ST6GALNAC3: variants seen among roughly 807,000 people sequenced by gnomAD.
The protein encoded by ST6GALNAC3 is alpha-N-acetylgalactosaminide alpha-2,6-sialyltransferase 3.
ST6GALNAC3 carries 25 observed loss-of-function variants against 32.7 expected under a neutral mutation model. The ratio of observed to expected loss-of-function variants is 0.76; its 90% CI spans 0.56 to 1.07. The LOEUF is 1.07. ST6GALNAC3 is among the 50% of genes least tolerant of loss of function. The probability of loss-of-function intolerance (pLI) is 0.00; values close to 1 mark genes in which losing one functional copy is unlikely to be tolerated. For synonymous variants in ST6GALNAC3, 129 were observed against 133.1 expected (o/e 0.97, Z 0.21); for missense variants, 355 against 382.4 (o/e 0.93, Z 0.60).
chr1:76,089,259 GC>G (rs1196051979), intron 1 of ST6GALNAC3, among the ~76,000 whole-genome samples: 5 of 151,982 alleles, frequency 3.3e-5, no homozygotes, highest in African/African-American at 1.2e-4. Flanking sequence ...CACTGTGTTA[GC>G]CAGGATGATC....
intron 2 of ST6GALNAC3, among the ~76,000 whole-genome samples, chr1:76,353,020 T>C (rs1570934476): frequency 1.3e-5 from 2 of 152,154 alleles, no homozygotes; most frequent in East Asian, 3.9e-4. Context: ...CACTCTCATC[T>C]TCCAGCCCTC....
intron 1 of ST6GALNAC3, among the ~76,000 whole-genome samples, chr1:76,144,521 A>G (rs1382626536): frequency 2.6e-5 from 4 of 152,196 alleles, no homozygotes; most frequent in Non-Finnish European, 5.9e-5. Flanking sequence ...AGTGCCTATC[A>G]TGGAACAGCC....
At position 76,630,254 on chromosome 1, in the gene ST6GALNAC3, A is replaced by T. The variant is rs183916855; in HGVS notation, c.*1448A>T. On this transcript the variant is annotated 3_prime_UTR_variant, in exon 5 of 5. Coordinates refer to ENST00000328299, the MANE Select transcript of ST6GALNAC3 (RefSeq NM_152996.4). ...ATCAGGATTACACAAAAAGTATCAC[A>T]AAGGATGGTCTTGGCCATATGCTAG... The T allele has an allele frequency of 1.0e-6, 1 of 985,256 alleles. No homozygotes were observed. The highest frequency in any genetic ancestry group is 1.7e-5 in the African/African-American group (1 of 57,332). 61.0% of individuals were successfully genotyped at this position (985,256 alleles called of 1,614,324 possible). A position where few individuals can be genotyped will look rare whatever the true frequency, so the allele number is the denominator to read the frequency against.
intron 3 of ST6GALNAC3, among the ~76,000 whole-genome samples, chr1:76,479,396 A>T (rs984513641): frequency 2.3e-4 from 35 of 152,218 alleles, no homozygotes; most frequent in African/African-American, 8.2e-4. Context: ...CTGCTATAAC[A>T]GAATACTGAC....
At chr1:76,619,338 C>T (rs544752839) in intron 3 of ST6GALNAC3, among the ~76,000 whole-genome samples, 4 of 152,144 alleles carry the variant, frequency 2.6e-5, no homozygotes, top group South Asian at 2.1e-4. Context: ...TGGAACACAT[C>T]GAGAACCCCC....
At chr1:76,527,980 G>C (rs315082) in intron 3 of ST6GALNAC3, among the ~76,000 whole-genome samples, 86,906 of 151,966 alleles carry the variant, frequency 0.57, 25,333 homozygotes, top group African/African-American at 0.69. Context: ...AGTATGCTAC[G>C]TGCTGACAAA....
chr1:76,134,648 G>A (rs1262888441), intron 1 of ST6GALNAC3, among the ~76,000 whole-genome samples: 2 of 152,142 alleles, frequency 1.3e-5, no homozygotes, highest in Admixed American at 1.3e-4. Flanking sequence ...GCCACTGCTT[G>A]TTTCCTGTTT....
At chr1:76,605,783 TGAACC>T (rs1490211870) in intron 3 of ST6GALNAC3, among the ~76,000 whole-genome samples, 1 of 134,206 alleles carries the variant, frequency 7.5e-6, no homozygotes, top group Non-Finnish European at 1.5e-5. Context: ...GAGAATCACT[TGAACC>T]CAAGTGGCAG....
At chr1:76,216,519 C>T (rs1465454985) in intron 1 of ST6GALNAC3, among the ~76,000 whole-genome samples, 1 of 152,228 alleles carries the variant, frequency 6.6e-6, no homozygotes, top group Non-Finnish European at 1.5e-5. Context: ...CCTGGACAAA[C>T]ATCCTGTAAA....
chr1:76,607,820 C>G (rs145550878), intron 3 of ST6GALNAC3, among the ~76,000 whole-genome samples: 1 of 152,130 alleles, frequency 6.6e-6, no homozygotes, highest in Non-Finnish European at 1.5e-5. Flanking sequence ...GTAGGGGACA[C>G]GCTACACAGC....
At chr1:76,624,325 A>G (rs1648829007) in intron 3 of ST6GALNAC3, among the ~76,000 whole-genome samples, 4 of 151,942 alleles carry the variant, frequency 2.6e-5, no homozygotes, top group African/African-American at 9.7e-5. Flanking sequence ...ACCAGATGCC[A>G]AACCCTGAAA....
intron 1 of ST6GALNAC3, among the ~76,000 whole-genome samples, chr1:76,181,271 A>G (rs72674473): frequency 0.035 from 5,373 of 152,298 alleles, 203 homozygotes; most frequent in African/African-American, 0.098. Context: ...TCAGACATGG[A>G]TAGAATTTCA....
In ST6GALNAC3 at chr1:76,236,772, A is replaced by G. The variant is rs554208692; in HGVS notation, c.19-77033A>G. 1.5e-4 allele frequency among the ~76,000 whole-genome samples: 23 copies of G among 152,346 alleles called. No homozygotes were observed. The East Asian group carries it at 4.0e-3, about 27-fold the overall frequency. On this transcript the variant is annotated intron_variant, in intron 1 of 4. Coordinates refer to ENST00000328299, the MANE Select transcript of ST6GALNAC3 (RefSeq NM_152996.4). ...ACTTTAGTTTTTGTGTGCAAATGCAATCTTCCGTATAATGTATTGAGTTTG... is the reference window on the plus strand; with the variant it reads ...ACTTTAGTTTTTGTGTGCAAATGCAGTCTTCCGTATAATGTATTGAGTTTG...
intron 1 of ST6GALNAC3, among the ~76,000 whole-genome samples, chr1:76,229,417 C>T (rs982955107): frequency 7.2e-5 from 11 of 152,192 alleles, no homozygotes; most frequent in African/African-American, 2.7e-4. Flanking sequence ...TCCCTGCACC[C>T]ATAACCTTTA....
intron 1 of ST6GALNAC3, among the ~76,000 whole-genome samples, chr1:76,146,946 T>C (rs1049998234): frequency 3.9e-5 from 6 of 152,140 alleles, no homozygotes; most frequent in African/African-American, 1.4e-4. Context: ...CATGCTTCTC[T>C]CCATCTCATG....
At chr1:76,507,339 T>A (rs72989915) in intron 3 of ST6GALNAC3, among the ~76,000 whole-genome samples, 2,264 of 152,270 alleles carry the variant, frequency 0.015, 58 homozygotes, top group African/African-American at 0.051. Context: ...ATTCAATGGC[T>A]TTTAGTATAT....
intron 1 of ST6GALNAC3, among the ~76,000 whole-genome samples, chr1:76,242,522 T>C (rs1366785987): frequency 6.6e-6 from 1 of 152,080 alleles, no homozygotes; most frequent in Admixed American, 6.6e-5. Context: ...TGTGGCATGG[T>C]GGTTTGGTGC....
chr1:76,580,165 T>A (rs1646872012), intron 3 of ST6GALNAC3, among the ~76,000 whole-genome samples: 2 of 152,114 alleles, frequency 1.3e-5, no homozygotes, highest in Admixed American at 1.3e-4. Flanking sequence ...GAAGAACACA[T>A]GGATTTAAAA....
intron 2 of ST6GALNAC3, among the ~76,000 whole-genome samples, chr1:76,360,109 T>C (rs1337673242): frequency 2.0e-5 from 3 of 152,088 alleles, no homozygotes; most frequent in Non-Finnish European, 4.4e-5. Flanking sequence ...TCTGAATAAC[T>C]GTATGTTAAA....
Sources: allele counts gnomAD v4.1 joint callset (sites outside exome capture counted in the v4.1 genomes callset), GRCh38; gene constraint gnomAD v4.1.1; transcripts MANE v1.5; gene names NCBI Gene and HGNC (gene_info 2026-07-23, HGNC 2026-07-21).